The following CSGALNACT1 variants were observed in gnomAD, a reference collection of about 807,000 sequenced individuals.
The protein encoded by CSGALNACT1 is chondroitin sulfate N-acetylgalactosaminyltransferase 1.
Under a neutral mutation model 51.0 loss-of-function variants are expected in CSGALNACT1, and 52 were observed. The observed-to-expected ratio is 1.02, with a 90% CI of 0.82 to 1.29. The LOEUF (loss-of-function observed/expected upper bound fraction) is 1.29. CSGALNACT1 is among the 50% of genes most tolerant of loss of function. CSGALNACT1 has a pLI of 0.00. For synonymous variants in CSGALNACT1, 341 were observed against 254.4 expected, an observed-to-expected ratio of 1.34 and a Z score of -3.24; for missense variants, 935 against 679.2, an observed-to-expected ratio of 1.38 and a Z score of -4.19.
At chr8:19,493,375 C>T (rs148127575) in intron 4 of CSGALNACT1, among the ~76,000 whole-genome samples, 5 of 152,160 alleles carry the variant, frequency 3.3e-5, no homozygotes, top group Admixed American at 3.3e-4. Context: ...TTAAAGCAGA[C>T]AAGCTAATTT....
At chr8:19,505,498 G>A (rs761520726) in exon 4 of CSGALNACT1, 3 of 1,613,952 alleles carry the variant, frequency 1.9e-6, no homozygotes, top group East Asian at 2.2e-5. Flanking sequence ...GTTTTCTCTG[G>A]GGGGCTCCTG....
chr8:19,666,975 GAAAGAAAGAAAGAAAGAA>G (rs2059339149), intron 1 of CSGALNACT1, among the ~76,000 whole-genome samples: 2 of 11,058 alleles, frequency 1.8e-4, no homozygotes, highest in African/African-American at 7.7e-4. Flanking sequence ...AAGAAAGAAA[GAAAGAAAGAAAGAAAGAA>G]AGAAAGAAAG....
At chr8:19,439,835 A>G in exon 6 of CSGALNACT1, 1 of 1,612,534 alleles carries the variant, frequency 6.2e-7, no homozygotes, top group Non-Finnish European at 8.5e-7. Context: ...CTCACTTGGA[A>G]GTGTTTTCAA....
intron 3 of CSGALNACT1, 104 bp from the exon 3 acceptor site, chr8:19,506,234 A>G (rs1202274708): frequency 7.4e-6 from 3 of 404,520 alleles, no homozygotes; most frequent in Non-Finnish European, 1.4e-5. Flanking sequence ...GAGTTATGGC[A>G]AATGCCTATG....
At chr8:19,648,711 G>T (rs1369821813) in intron 1 of CSGALNACT1, among the ~76,000 whole-genome samples, 2 of 152,144 alleles carry the variant, frequency 1.3e-5, no homozygotes, top group African/African-American at 4.8e-5. Context: ...GGCTGAGGTG[G>T]GAGGATCACC....
At chr8:19,547,683 A>C (rs2086801878) in intron 3 of CSGALNACT1, among the ~76,000 whole-genome samples, 1 of 152,230 alleles carries the variant, frequency 6.6e-6, no homozygotes, top group South Asian at 2.1e-4. Flanking sequence ...TAGTAGTGTG[A>C]GAACAGACTA....
intron 3 of CSGALNACT1, among the ~76,000 whole-genome samples, chr8:19,554,276 G>A (rs28611430): frequency 0.11 from 16,252 of 152,152 alleles, 973 homozygotes; most frequent in African/African-American, 0.17. Flanking sequence ...AGTCAATGGA[G>A]CAATGTCTTC....
At chr8:19,563,474 T>A (rs1249565535) in intron 3 of CSGALNACT1, among the ~76,000 whole-genome samples, 2 of 152,164 alleles carry the variant, frequency 1.3e-5, no homozygotes, top group African/African-American at 2.4e-5. Flanking sequence ...CAGAGACAAC[T>A]GGCAAGTCAT....
chr8:19,739,624 C>T (rs887594340), intron 1 of CSGALNACT1, among the ~76,000 whole-genome samples: 8 of 152,206 alleles, frequency 5.3e-5, no homozygotes, highest in Admixed American at 2.6e-4. Context: ...TCCCAAAAGT[C>T]TCCTTAAATA....
intron 3 of CSGALNACT1, among the ~76,000 whole-genome samples, chr8:19,583,662 T>A (rs1443686015): frequency 6.6e-6 from 1 of 152,152 alleles, no homozygotes; most frequent in South Asian, 2.1e-4. Flanking sequence ...TCATCAACCA[T>A]TACTCTGATG....
chr8:19,493,868 TTA>T (rs781051553), intron 4 of CSGALNACT1, among the ~76,000 whole-genome samples: 139 of 116,336 alleles, frequency 1.2e-3, no homozygotes, highest in Middle Eastern at 8.9e-3. Flanking sequence ...GTATGTGTGT[TTA>T]TACACACACA....
At chr8:19,490,461 G>A (rs2074113821) in intron 4 of CSGALNACT1, among the ~76,000 whole-genome samples, 4 of 152,278 alleles carry the variant, frequency 2.6e-5, no homozygotes, top group Admixed American at 2.6e-4. Flanking sequence ...GTACTGGGAA[G>A]GGGAAAAAAG....
intron 8 of CSGALNACT1, among the ~76,000 whole-genome samples, chr8:19,416,257 G>C (rs567092614): frequency 6.6e-6 from 1 of 152,050 alleles, no homozygotes; most frequent in African/African-American, 2.4e-5. Flanking sequence ...TGGGATTACA[G>C]GCGCATACCA....
intron 5 of CSGALNACT1, chr8:19,457,660 T>A: frequency 7.7e-7 from 1 of 1,290,364 alleles, no homozygotes; most frequent in Non-Finnish European, 1.0e-6. Context: ...GATTTATAAT[T>A]AGACAGTAGG....
chr8:19,586,494 G>A (rs1424160217), intron 3 of CSGALNACT1, among the ~76,000 whole-genome samples: 2 of 151,930 alleles, frequency 1.3e-5, no homozygotes, highest in Non-Finnish European at 2.9e-5. Context: ...AAGATCCCCT[G>A]GGACACTTTT....
At chr8:19,617,277 G>A (rs941882827) in intron 1 of CSGALNACT1, among the ~76,000 whole-genome samples, 17 of 152,118 alleles carry the variant, frequency 1.1e-4, no homozygotes, top group African/African-American at 3.4e-4. Flanking sequence ...ATGAAGTTTC[G>A]CTCACTCGCC....
At chr8:19,601,775 G>A (rs1437281067) in exon 2 of CSGALNACT1, 11 of 453,262 alleles carry the variant, frequency 2.4e-5, no homozygotes, top group South Asian at 1.7e-4. Flanking sequence ...ACTTACCTGG[G>A]GGTTCAAGAA....
chr8:19,642,008 C>T (rs567083626), intron 1 of CSGALNACT1: 1 of 152,252 alleles, frequency 6.6e-6, no homozygotes, highest in African/African-American at 2.4e-5. Flanking sequence ...TTGGGCAACG[C>T]CTGATGTCTG....
At chr8:19,429,332 A>G (rs2059300291) in intron 6 of CSGALNACT1, among the ~76,000 whole-genome samples, 1 of 151,918 alleles carries the variant, frequency 6.6e-6, no homozygotes, top group Non-Finnish European at 1.5e-5. Context: ...GTGAGCCACC[A>G]CACCTGGCTA....
Sources: gnomAD v4.1 joint callset for allele counts (sites outside exome capture counted in the v4.1 genomes callset) on GRCh38, gnomAD v4.1.1 for gene constraint, MANE v1.5 for transcripts, NCBI Gene and HGNC (gene_info 2026-07-23, HGNC 2026-07-21) for gene names.